CNTNAP2: variants seen among roughly 807,000 people sequenced by gnomAD.
CNTNAP2 encodes contactin associated protein 2.
A neutral mutation model predicts 155.2 loss-of-function variants in CNTNAP2; 98 were observed. The ratio of observed to expected loss-of-function variants is 0.63; its 90% CI spans 0.54 to 0.75. The LOEUF (loss-of-function observed/expected upper bound fraction) is 0.75. CNTNAP2 is among the 30% of genes least tolerant of loss of function. CNTNAP2 has a pLI of 0.00. For missense variants in CNTNAP2, 1,727 were observed against 1,688.1 expected (o/e 1.02, Z -0.40); for synonymous variants, 651 against 631.2 (o/e 1.03, Z -0.47).
intron 13 of CNTNAP2, among the ~76,000 whole-genome samples, chr7:147,735,179 A>G (rs1796819526): frequency 1.3e-5 from 2 of 152,090 alleles, no homozygotes; most frequent in Non-Finnish European, 2.9e-5. Flanking sequence ...ATTTCCCTCT[A>G]CACACTGATT....
rs1314045416 is a variant in CNTNAP2 at position 148,409,411 on chromosome 7, A to T, written c.3736A>T (p.Asn1246Tyr). Residue 1246 changes from asparagine (N) to tyrosine (Y), a missense_variant, in exon 23 of 24, where the codon AAT becomes TAT. Asn to Tyr is a moderately radical substitution (Grantham distance 143, BLOSUM62 -2). Transcript: ENST00000361727. ...TACAGCCAGTGCGGATTTTCCATAT[A>T]ATCCAGGACAAGGCCAAGCTATAAG... ...LDSASADFPY[N>Y]PGQGQAIRNG... 2 of 1,613,690 alleles carry T rather than the reference A, an allele frequency of 1.2e-6. No individual in the cohort carries two copies. Among genetic ancestry groups the T allele is most frequent in the Admixed American group, 3.3e-5 (2 of 60,018 alleles).
intron 1 of CNTNAP2, among the ~76,000 whole-genome samples, chr7:146,316,633 A>G (rs1409939480): frequency 6.6e-6 from 1 of 152,118 alleles, no homozygotes; most frequent in African/African-American, 2.4e-5. Flanking sequence ...AAGTTGCTAG[A>G]CTCCATGGTG....
At chr7:146,164,496 C>G (rs537860171) in intron 1 of CNTNAP2, among the ~76,000 whole-genome samples, 4 of 152,028 alleles carry the variant, frequency 2.6e-5, no homozygotes, top group Non-Finnish European at 5.9e-5. Context: ...TATTTTGTTA[C>G]GTTGTTGCAG....
intron 1 of CNTNAP2, among the ~76,000 whole-genome samples, chr7:146,559,551 G>T (rs902432158): frequency 6.6e-6 from 1 of 151,946 alleles, no homozygotes; most frequent in Non-Finnish European, 1.5e-5. Context: ...CCTGGCAACA[G>T]AGCAACACTC....
chr7:147,720,966 A>G (rs1472904983), intron 13 of CNTNAP2, among the ~76,000 whole-genome samples: 2 of 152,046 alleles, frequency 1.3e-5, no homozygotes, highest in Non-Finnish European at 2.9e-5. Context: ...CATGATGACA[A>G]ACCCCATCAA....
At chr7:146,466,944 C>G (rs1374032820) in intron 1 of CNTNAP2, among the ~76,000 whole-genome samples, 1 of 152,040 alleles carries the variant, frequency 6.6e-6, no homozygotes, top group Non-Finnish European at 1.5e-5. Context: ...TTTACACATA[C>G]CTCTTCAGTA....
At chr7:146,305,730 G>A (rs1800699109) in intron 1 of CNTNAP2, among the ~76,000 whole-genome samples, 1 of 152,098 alleles carries the variant, frequency 6.6e-6, no homozygotes, top group African/African-American at 2.4e-5. Context: ...CAGAATCTCT[G>A]GGACACATTT....
At chr7:147,022,606 TG>T (rs199933039) in intron 3 of CNTNAP2, among the ~76,000 whole-genome samples, 9,061 of 113,160 alleles carry the variant, frequency 0.08, 337 homozygotes, top group Middle Eastern at 0.15. Context: ...CACAAACACA[TG>T]GTTTTTTTTT....
intron 21 of CNTNAP2, among the ~76,000 whole-genome samples, chr7:148,338,480 A>C (rs1432678249): frequency 2.0e-5 from 3 of 147,170 alleles, no homozygotes; most frequent in Admixed American, 6.7e-5. Flanking sequence ...CCCTCCCCCC[A>C]CCCCGACCTA....
intron 11 of CNTNAP2, among the ~76,000 whole-genome samples, chr7:147,558,863 C>T (rs966094118): frequency 2.0e-5 from 3 of 152,050 alleles, no homozygotes; most frequent in Admixed American, 1.3e-4. Context: ...CTGCCTTAGC[C>T]TCCTGAATAG....
chr7:147,765,538 T>C (rs1797369693), intron 13 of CNTNAP2, among the ~76,000 whole-genome samples: 14 of 152,174 alleles, frequency 9.2e-5, no homozygotes, highest in Admixed American at 8.5e-4. Context: ...TGATATACCA[T>C]GATGCATCCC....
chr7:147,369,735 A>T (rs1414570809), intron 9 of CNTNAP2, among the ~76,000 whole-genome samples: 1 of 152,212 alleles, frequency 6.6e-6, no homozygotes, highest in African/African-American at 2.4e-5. Flanking sequence ...CTTAAGGGTC[A>T]TAGTTTGCCC....
At chr7:147,416,763 A>G (rs1329583940) in intron 10 of CNTNAP2, among the ~76,000 whole-genome samples, 1 of 152,130 alleles carries the variant, frequency 6.6e-6, no homozygotes, top group Non-Finnish European at 1.5e-5. Flanking sequence ...TGCCTTGCAG[A>G]TACCAGTAGG....
At chr7:147,734,636 T>C (rs567842417) in intron 13 of CNTNAP2, among the ~76,000 whole-genome samples, 1 of 152,210 alleles carries the variant, frequency 6.6e-6, no homozygotes, top group African/African-American at 2.4e-5. Context: ...GCTGTGAATC[T>C]GTCTGGTCCT....
intron 1 of CNTNAP2, among the ~76,000 whole-genome samples, chr7:146,395,724 T>C (rs1795609677): frequency 6.6e-6 from 1 of 151,224 alleles, no homozygotes; most frequent in South Asian, 2.1e-4. Context: ...CAACTAGGAA[T>C]TCCACGTAGG....
intron 12 of CNTNAP2, among the ~76,000 whole-genome samples, chr7:147,610,153 G>A (rs761148356): frequency 1.3e-5 from 2 of 152,006 alleles, no homozygotes; most frequent in Admixed American, 6.6e-5. Context: ...ATATAAACAC[G>A]GATTTACAAC....
chr7:146,150,424 A>G (rs1394609173), intron 1 of CNTNAP2, among the ~76,000 whole-genome samples: 1 of 152,144 alleles, frequency 6.6e-6, no homozygotes, highest in Non-Finnish European at 1.5e-5. Context: ...AAATAAAAAC[A>G]TGTTTACAAC....
intron 1 of CNTNAP2, among the ~76,000 whole-genome samples, chr7:146,603,601 G>T: frequency 6.6e-6 from 1 of 150,572 alleles, no homozygotes; most frequent in Admixed American, 6.6e-5. Context: ...CCAAAAAAGA[G>T]CCCGCATTGC....
At chr7:146,396,109 T>C (rs1795623515) in intron 1 of CNTNAP2, among the ~76,000 whole-genome samples, 1 of 152,176 alleles carries the variant, frequency 6.6e-6, no homozygotes, top group African/African-American at 2.4e-5. Flanking sequence ...AGATCATTTC[T>C]TAAAATATAC....
Sources: allele counts gnomAD v4.1 joint callset (sites outside exome capture counted in the v4.1 genomes callset), GRCh38; gene constraint gnomAD v4.1.1; transcripts MANE v1.5; gene names NCBI Gene and HGNC (gene_info 2026-07-23, HGNC 2026-07-21).